Variants in RBMS2 observed in about 807,000 individuals in gnomAD.
RBMS2 encodes RNA-binding motif, single-stranded-interacting protein 2.
RBMS2 carries 38 observed loss-of-function variants against 58.4 expected under a neutral mutation model. The observed-to-expected ratio is 0.65, with a 90% CI of 0.50 to 0.85. RBMS2 has a LOEUF of 0.85. Among genes scored for constraint, RBMS2 ranks in the 40% least tolerant of loss-of-function variants. RBMS2 has a pLI of 0.00. For synonymous variants in RBMS2, 151 were observed against 180.7 expected (o/e 0.84, Z 1.32); for missense variants, 367 against 503.7 (o/e 0.73, Z 2.60).
chr12:56,569,539 C>T (rs1198194169), intron 3 of RBMS2, among the ~76,000 whole-genome samples: 2 of 152,066 alleles, frequency 1.3e-5, no homozygotes, highest in South Asian at 4.1e-4. Context: ...GCTGCATTCC[C>T]TACATGCCTA....
At chr12:56,538,493 T>C (rs922072230) in intron 1 of RBMS2, among the ~76,000 whole-genome samples, 1 of 62,078 alleles carries the variant, frequency 1.6e-5, no homozygotes, top group African/African-American at 5.4e-5. Flanking sequence ...TTTTTTTTTT[T>C]CTGAGACGGA....
intron 5 of RBMS2, among the ~76,000 whole-genome samples, chr12:56,577,446 G>T (rs1051617776): frequency 1.4e-5 from 2 of 146,134 alleles, no homozygotes; most frequent in Non-Finnish European, 3.0e-5. Flanking sequence ...AAAATAAAAT[G>T]TTCATACAAA....
intron 1 of RBMS2, among the ~76,000 whole-genome samples, chr12:56,559,892 C>T (rs1592418975): frequency 1.1e-5 from 1 of 88,756 alleles, no homozygotes; most frequent in African/African-American, 3.9e-5. Flanking sequence ...AGGTCACAAT[C>T]TTCTTTTTTT....
chr12:56,558,453 G>T (rs1443100336), intron 1 of RBMS2, among the ~76,000 whole-genome samples: 1 of 150,654 alleles, frequency 6.6e-6, no homozygotes, highest in Non-Finnish European at 1.5e-5. Context: ...AATGGGGATA[G>T]ATGAACGCCA....
At chr12:56,529,773 C>T (rs776160606) in intron 1 of RBMS2, among the ~76,000 whole-genome samples, 9 of 152,070 alleles carry the variant, frequency 5.9e-5, no homozygotes, top group African/African-American at 1.4e-4. Context: ...GACAGAAAGT[C>T]GATTAGTGGT....
intron 1 of RBMS2, among the ~76,000 whole-genome samples, chr12:56,537,165 C>T (rs1875061841): frequency 6.6e-6 from 1 of 152,274 alleles, no homozygotes; most frequent in Non-Finnish European, 1.5e-5. Context: ...AAGCAGTCCA[C>T]TCACCTCAGC....
chr12:56,534,520 GATA>G (rs1483107683), intron 1 of RBMS2, among the ~76,000 whole-genome samples: 4 of 152,036 alleles, frequency 2.6e-5, no homozygotes, highest in Admixed American at 2.0e-4. Context: ...TCCATTTTTT[GATA>G]ATGTCAGACT....
At chr12:56,539,700 G>A (rs889379488) in intron 1 of RBMS2, 15 of 450,470 alleles carry the variant, frequency 3.3e-5, no homozygotes, top group African/African-American at 8.1e-5. Flanking sequence ...AGTTTCGTTC[G>A]CTCTTGTTGC....
At chr12:56,521,019 T>C (rs75009649), upstream of RBMS2, among the ~76,000 whole-genome samples, 2,161 of 152,336 alleles carry the variant, frequency 0.014, 54 homozygotes, top group African/African-American at 0.049. Context: ...CATCAGCCCA[T>C]TGGTATGACC....
chr12:56,532,724 T>C (rs1873998561), intron 1 of RBMS2, among the ~76,000 whole-genome samples: 2 of 152,076 alleles, frequency 1.3e-5, no homozygotes, highest in Non-Finnish European at 2.9e-5. Context: ...TTATCTTGAA[T>C]ATATTGTCAG....
chr12:56,577,141 C>T (rs1030715145), intron 5 of RBMS2, among the ~76,000 whole-genome samples: 2 of 151,638 alleles, frequency 1.3e-5, no homozygotes, highest in Non-Finnish European at 2.9e-5. Flanking sequence ...CAGTGGCTCA[C>T]GCCCGTAAGC....
chr12:56,561,667 T>A (rs1232561663), intron 1 of RBMS2, among the ~76,000 whole-genome samples: 1 of 143,232 alleles, frequency 7.0e-6, no homozygotes, highest in Non-Finnish European at 1.5e-5. Flanking sequence ...CCACTGCACC[T>A]GGCTAATTTT....
rs146335313 is a variant in RBMS2 at position 56,587,638 on chromosome 12, C to T, written c.1036C>T (p.His346Tyr). 61 of 1,613,508 alleles carry T rather than the reference C, an allele frequency of 3.8e-5. No homozygotes were observed. The African/African-American group carries it at 7.6e-4, about 20-fold the overall frequency. ...MMGPLTQQLG[H>Y]LSLSSTGTYM... The stretch of plus-strand genomic sequence containing the variant: ...GGGACCCCTTACCCAGCAACTGGGC[C>T]ATCTCTCCCTCAGCAGCACAGGCAC... The change falls in exon 11 of 14, where the codon CAT becomes TAT. Residue 346 changes from histidine to tyrosine, a missense_variant. Physicochemically the swap from His to Tyr is moderately conservative, Grantham distance 83. Around this residue, in one of 3 missense-constraint regions of RBMS2, gnomAD observed 220 missense variants for 261.1 expected, o/e 0.84. Transcript: ENST00000262031.
chr12:56,576,297 A>G (rs1180571279), intron 5 of RBMS2, among the ~76,000 whole-genome samples: 1 of 152,158 alleles, frequency 6.6e-6, no homozygotes, highest in East Asian at 1.9e-4. Flanking sequence ...AGATCACACC[A>G]CTGCACTCTA....
chr12:56,564,857 C>G (rs1403129128), intron 2 of RBMS2, among the ~76,000 whole-genome samples: 1 of 152,030 alleles, frequency 6.6e-6, no homozygotes, highest in African/African-American at 2.4e-5. Flanking sequence ...ACCTGTAGTC[C>G]CAGCTACTCA....
intron 9 of RBMS2, 133 bp downstream of exon 9, chr12:56,582,285 C>T (rs376555744): frequency 1.4e-4 from 104 of 756,556 alleles, no homozygotes; most frequent in East Asian, 7.3e-4. Context: ...TACATAACAG[C>T]GTAAAAGATG....
chr12:56,525,843 G>T (rs533362732), intron 1 of RBMS2, among the ~76,000 whole-genome samples: 1 of 150,058 alleles, frequency 6.7e-6, no homozygotes, highest in Admixed American at 6.6e-5. Flanking sequence ...TTATATTTTT[G>T]GTAGAGATGG....
At chr12:56,567,744 T>C (rs1881607082) in intron 2 of RBMS2, among the ~76,000 whole-genome samples, 1 of 151,898 alleles carries the variant, frequency 6.6e-6, no homozygotes, top group African/African-American at 2.4e-5. Flanking sequence ...GGCAGGAGAA[T>C]TGCTTGAGCC....
intron 4 of RBMS2, among the ~76,000 whole-genome samples, chr12:56,571,156 G>A (rs1484934033): frequency 6.6e-6 from 1 of 152,196 alleles, no homozygotes; most frequent in Non-Finnish European, 1.5e-5. Context: ...AAGCTCAAAG[G>A]TTTAGGAGCC....
Sources: gnomAD v4.1 joint callset for allele counts (sites outside exome capture counted in the v4.1 genomes callset) on GRCh38, gnomAD v4.1.1 for gene constraint, gnomAD v4.1.1 regional missense constraint, MANE v1.5 for transcripts, NCBI Gene and HGNC (gene_info 2026-07-23, HGNC 2026-07-21) for gene names.